STRN: variants seen among roughly 807,000 people sequenced by gnomAD.
STRN encodes the protein protein phosphatase 2 regulatory subunit B'''alpha.
In STRN, 53 loss-of-function variants were observed where a neutral mutation model predicts 96.3. The observed-to-expected ratio is 0.55, with a 90% CI of 0.44 to 0.69. STRN has a LOEUF of 0.69. Among genes scored for constraint, STRN ranks in the 30% least tolerant of loss-of-function variants. The pLI, the probability that STRN is intolerant of heterozygous loss-of-function variation, is 0.00. For missense variants in STRN, 987 were observed against 963.9 expected (o/e 1.02, Z -0.32); for synonymous variants, 428 against 355.9 (o/e 1.20, Z -2.28).
At chr2:36,937,354 A>AAAG (rs1670729563) in intron 1 of STRN, among the ~76,000 whole-genome samples, 1 of 150,478 alleles carries the variant, frequency 6.6e-6, no homozygotes, top group Admixed American at 6.6e-5. Flanking sequence ...AAAAAAAAAA[A>AAAG]AAAAGAAAAG....
At position 36,857,574 on chromosome 2, in the gene STRN, T is replaced by C. The variant is rs2717496; in HGVS notation, c.1837+282A>G. Among the ~76,000 whole-genome samples the C allele has an allele frequency of 0.89, 135,809 of 151,908 alleles. 61,793 individuals are homozygous for C. Among genetic ancestry groups the C allele is most frequent in the Non-Finnish European group, 0.98 (66,387 of 68,002 alleles). On this transcript the variant is annotated intron_variant, in intron 14 of 17. Transcript: ENST00000263918. ...GTGCTGGAGGCTGAGGCAGGAGAAT[T>C]GCTTGAAACTGGGAGATGGAGGTTG...
Position 36,865,710 on chromosome 2 carries a change from C to T in STRN, c.1547+2104G>A, listed in dbSNP as rs183527691. Reference sequence around the variant, plus strand: ...CTGAGTAGCTGGGATTACAGGTGCACGCCACCGCACTCAGCTAGTTTTTAT... The same window carrying T: ...CTGAGTAGCTGGGATTACAGGTGCATGCCACCGCACTCAGCTAGTTTTTAT... On this transcript the variant is annotated intron_variant, in intron 12 of 17. Coordinates refer to ENST00000263918, the MANE Select transcript of STRN (RefSeq NM_003162.4). Among the ~76,000 whole-genome samples, 294 of 152,048 alleles carry T rather than the reference C, an allele frequency of 1.9e-3. 2 individuals are homozygous for T. The highest frequency in any genetic ancestry group is 6.7e-3 in the African/African-American group (276 of 41,466).
At chr2:36,857,154 T>C (rs561674343) in intron 14 of STRN, among the ~76,000 whole-genome samples, 20 of 151,460 alleles carry the variant, frequency 1.3e-4, no homozygotes, top group African/African-American at 4.4e-4. Flanking sequence ...CCCAAATTCC[T>C]GGCCTCTCGT....
At chr2:36,897,130 G>C (rs952731528) in intron 6 of STRN, among the ~76,000 whole-genome samples, 1 of 151,206 alleles carries the variant, frequency 6.6e-6, no homozygotes, top group African/African-American at 2.4e-5. Context: ...TTACACCACT[G>C]CACTCCAGCC....
intron 16 of STRN, 42 bp downstream of exon 16, chr2:36,850,958 T>C: frequency 6.6e-7 from 1 of 1,519,692 alleles, no homozygotes. Flanking sequence ...AGGGATTTTT[T>C]TTTTTTGCTT....
At position 36,842,462 on chromosome 2, in the gene STRN, A is replaced by ACACAGAAAAAGT. The variant is rs1213782641; in HGVS notation, c.*6982_*6993dup. On this transcript the variant is annotated 3_prime_UTR_variant, in exon 18 of 18. Coordinates refer to ENST00000263918, the MANE Select transcript of STRN (RefSeq NM_003162.4). ...CACTGGGTTAATTACCTAAAGAGGG[A>ACACAGAAAAAGT]CACAGAAAAAGTCAATGTGGAGCTG... 2 of 152,142 alleles carry ACACAGAAAAAGT rather than the reference A, an allele frequency of 1.3e-5. No homozygotes were observed. The highest frequency in any genetic ancestry group is 2.9e-5 in the Non-Finnish European group (2 of 68,024). 9.4% of individuals were successfully genotyped at this position (152,142 alleles called of 1,614,324 possible).
chr2:36,923,813 T>C (rs776328213), intron 2 of STRN, among the ~76,000 whole-genome samples: 1 of 152,062 alleles, frequency 6.6e-6, no homozygotes, highest in East Asian at 1.9e-4. Context: ...ATAATTCCAA[T>C]ATCACCTATA....
At chr2:36,936,115 G>C (rs1558660347) in intron 1 of STRN, among the ~76,000 whole-genome samples, 1 of 152,016 alleles carries the variant, frequency 6.6e-6, no homozygotes, top group Non-Finnish European at 1.5e-5. Flanking sequence ...CTAATCCCCT[G>C]AATAAAGACA....
intron 12 of STRN, among the ~76,000 whole-genome samples, chr2:36,862,244 A>G (rs1251719050): frequency 6.6e-6 from 1 of 152,234 alleles, no homozygotes; most frequent in Non-Finnish European, 1.5e-5. Flanking sequence ...TCTTTATAGC[A>G]GAATGATTTA....
At chr2:36,890,343 T>C (rs766979650) in intron 7 of STRN, among the ~76,000 whole-genome samples, 26 of 152,262 alleles carry the variant, frequency 1.7e-4, no homozygotes, top group East Asian at 3.9e-4. Context: ...AGAAGTGTCA[T>C]TGGTACCATG....
At chr2:36,852,357 C>T (rs1356053565) in intron 15 of STRN, among the ~76,000 whole-genome samples, 1 of 152,108 alleles carries the variant, frequency 6.6e-6, no homozygotes, top group Non-Finnish European at 1.5e-5. Context: ...AAATATATTA[C>T]TGGAACAACT....
chr2:36,931,437 C>T (rs547297095), intron 1 of STRN, among the ~76,000 whole-genome samples: 3 of 152,272 alleles, frequency 2.0e-5, no homozygotes, highest in African/African-American at 7.2e-5. Context: ...CCAGCTTGTA[C>T]ACAAGCTGTG....
At chr2:36,907,537 G>T (rs1305666174) in intron 3 of STRN, among the ~76,000 whole-genome samples, 1 of 151,594 alleles carries the variant, frequency 6.6e-6, no homozygotes. Context: ...GACAGAGCAA[G>T]ACTCTGTCTC....
intron 2 of STRN, among the ~76,000 whole-genome samples, chr2:36,919,819 T>TAG (rs1670203007): frequency 6.6e-6 from 1 of 152,222 alleles, no homozygotes; most frequent in Non-Finnish European, 1.5e-5. Flanking sequence ...ATTGTATTTA[T>TAG]ATAGTATTTG....
intron 1 of STRN, among the ~76,000 whole-genome samples, chr2:36,964,299 T>A (rs1474389621): frequency 6.6e-6 from 1 of 150,952 alleles, no homozygotes; most frequent in Non-Finnish European, 1.5e-5. Flanking sequence ...CAAATTAGTG[T>A]GAGTTATCTA....
At chr2:36,861,493 T>G (rs1399004806) in intron 12 of STRN, among the ~76,000 whole-genome samples, 1 of 152,078 alleles carries the variant, frequency 6.6e-6, no homozygotes, top group Non-Finnish European at 1.5e-5. Context: ...GTCCTCAAGC[T>G]AAGAATGGTC....
At position 36,884,005 on chromosome 2, in the gene STRN, C is replaced by G. The variant is rs1160160231; in HGVS notation, c.1113G>C (p.Gln371His). 2.1e-6 allele frequency: 3 copies of G among 1,443,508 alleles called. No homozygotes were observed. In the South Asian group the frequency reaches 5.3e-5, roughly 25 times the overall value. 89.4% of individuals were successfully genotyped at this position (1,443,508 alleles called of 1,614,324 possible). A position where few individuals can be genotyped will look rare whatever the true frequency, so the allele number is the denominator to read the frequency against. ...GTCTGGAAGGTGAACCCACAGATGG[C>G]TGCAATGAAGGAAGTTCATCAACAT... Reference protein sequence around the residue: ...LRDVDELPSLQPSVGSPSRPS... With the variant: ...LRDVDELPSLHPSVGSPSRPS... Residue 371 changes from glutamine (Q) to histidine (H), a missense_variant, in exon 9 of 18, where the codon CAG becomes CAC. Transcript: ENST00000263918.
At chr2:36,952,340 G>A (rs886181686) in intron 1 of STRN, among the ~76,000 whole-genome samples, 13 of 150,936 alleles carry the variant, frequency 8.6e-5, no homozygotes, top group Admixed American at 8.0e-4. Flanking sequence ...CTGGAAGTCA[G>A]ACAGGTTTCC....
chr2:36,866,365 C>CCA (rs771998694), intron 12 of STRN, among the ~76,000 whole-genome samples: 2 of 152,146 alleles, frequency 1.3e-5, no homozygotes, highest in Non-Finnish European at 2.9e-5. Context: ...CTGCACCCAG[C>CCA]CACTGACTTT....
Sources: gnomAD v4.1 joint callset for allele counts (sites outside exome capture counted in the v4.1 genomes callset) on GRCh38, gnomAD v4.1.1 for gene constraint, MANE v1.5 for transcripts, NCBI Gene and HGNC (gene_info 2026-07-23, HGNC 2026-07-21) for gene names.